TAFA1: variants seen among roughly 807,000 people sequenced by gnomAD.
TAFA1 encodes the protein TAFA chemokine like family member 1.
A neutral mutation model predicts 18.5 loss-of-function variants in TAFA1; 4 were observed. The observed-to-expected ratio is 0.22, with a 90% CI of 0.11 to 0.49. The LOEUF is 0.49. Ranked by LOEUF, TAFA1 falls within the 20% of genes least tolerant of loss-of-function variation. TAFA1 has a pLI of 0.98. For missense variants in TAFA1, 147 were observed against 169.0 expected (o/e 0.87, Z 0.72); for synonymous variants, 56 against 55.2 (o/e 1.01, Z -0.06).
rs1161977472 is a variant in TAFA1 at position 68,476,581 on chromosome 3, C to T, written c.259+59161C>T. Among the ~76,000 whole-genome samples, 3 of 152,256 alleles carry T rather than the reference C, an allele frequency of 2.0e-5. No homozygotes were observed. In the East Asian group the frequency reaches 5.8e-4, roughly 29 times the overall value. ...ATGATTAAAGAAGCCTAATAATTGT[C>T]ATTTTTCAAGTTGACTTAAGGTGGC... is the stretch of plus-strand genomic sequence containing the variant. On this transcript the variant is annotated intron_variant, in intron 3 of 4. Coordinates refer to ENST00000478136, the MANE Select transcript of TAFA1 (RefSeq NM_213609.4).
intron 2 of TAFA1, among the ~76,000 whole-genome samples, chr3:68,083,927 A>G (rs1216813509): frequency 6.6e-6 from 1 of 151,954 alleles, no homozygotes; most frequent in African/African-American, 2.4e-5. Context: ...TTTTCTTTGC[A>G]TGCATTCAAA....
intron 3 of TAFA1, among the ~76,000 whole-genome samples, chr3:68,423,577 CT>C (rs1189986235): frequency 1.3e-5 from 2 of 151,954 alleles, no homozygotes; most frequent in African/African-American, 4.8e-5. Context: ...ATACCTGCCC[CT>C]TTTTTTTCTA....
chr3:68,239,807 G>T (rs2066973946), intron 2 of TAFA1, among the ~76,000 whole-genome samples: 1 of 152,132 alleles, frequency 6.6e-6, no homozygotes, highest in Admixed American at 6.6e-5. Context: ...AGAACCATTT[G>T]CAGCCCCCAT....
chr3:68,242,219 T>A (rs1017841253), intron 2 of TAFA1, among the ~76,000 whole-genome samples: 8 of 152,138 alleles, frequency 5.3e-5, no homozygotes, highest in African/African-American at 1.7e-4. Flanking sequence ...TGTGGCATTA[T>A]CCTAAGTCCA....
intron 2 of TAFA1, among the ~76,000 whole-genome samples, chr3:68,269,667 A>C (rs1006102185): frequency 7.2e-5 from 11 of 152,070 alleles, no homozygotes; most frequent in Non-Finnish European, 5.9e-5. Context: ...CATGCCTATA[A>C]TCCCAGAACT....
At chr3:67,995,916 T>C in the TAFA1 span, among the ~76,000 whole-genome samples, 1 of 152,204 alleles carries the variant, frequency 6.6e-6, no homozygotes, top group Non-Finnish European at 1.5e-5. Context: ...AAAACATGAA[T>C]AAATGAGAAG....
chr3:68,534,110 C>T (rs919491620), intron 3 of TAFA1, among the ~76,000 whole-genome samples: 25 of 152,164 alleles, frequency 1.6e-4, no homozygotes, highest in Admixed American at 3.9e-4. Context: ...CTAGTGGAGA[C>T]GATTTGCATC....
At chr3:68,039,965 C>T (rs1705130429) in intron 2 of TAFA1, among the ~76,000 whole-genome samples, 2 of 152,110 alleles carry the variant, frequency 1.3e-5, no homozygotes, top group Admixed American at 1.3e-4. Context: ...CTGATCTGCC[C>T]TGTGGGTGGG....
intron 2 of TAFA1, among the ~76,000 whole-genome samples, chr3:68,112,633 T>C (rs2065275215): frequency 6.6e-6 from 1 of 152,076 alleles, no homozygotes; most frequent in Non-Finnish European, 1.5e-5. Context: ...CCCTAGATAG[T>C]TCAGTAATGC....
chr3:68,220,230 C>G (rs75215604), intron 2 of TAFA1, among the ~76,000 whole-genome samples: 1,731 of 152,176 alleles, frequency 0.011, 34 homozygotes, highest in African/African-American at 0.038. Context: ...TCCTCAAATA[C>G]TTTTTAATTT....
intron 2 of TAFA1, among the ~76,000 whole-genome samples, chr3:68,382,051 C>G (rs1231733352): frequency 2.0e-5 from 3 of 152,060 alleles, no homozygotes; most frequent in Non-Finnish European, 2.9e-5. Flanking sequence ...TGGTTTTTGT[C>G]TTTGGTTCTG....
At chr3:68,110,714 G>C (rs1051683886) in intron 2 of TAFA1, among the ~76,000 whole-genome samples, 10 of 152,130 alleles carry the variant, frequency 6.6e-5, no homozygotes, top group African/African-American at 2.4e-4. Context: ...ACTTGGTGAT[G>C]AATTGCATGT....
intron 2 of TAFA1, among the ~76,000 whole-genome samples, chr3:68,161,166 A>G (rs1479638991): frequency 1.3e-5 from 2 of 152,330 alleles, no homozygotes; most frequent in East Asian, 3.9e-4. Flanking sequence ...CTCTATCCCA[A>G]GGACATAAAT....
intron 2 of TAFA1, among the ~76,000 whole-genome samples, chr3:68,143,617 T>A (rs2065697695): frequency 6.6e-6 from 1 of 152,120 alleles, no homozygotes; most frequent in African/African-American, 2.4e-5. Context: ...ACATCCCCAG[T>A]TATGACAACC....
At chr3:68,014,400 G>C (rs138606835) in intron 2 of TAFA1, among the ~76,000 whole-genome samples, 1 of 152,162 alleles carries the variant, frequency 6.6e-6, no homozygotes, top group African/African-American at 2.4e-5. Flanking sequence ...TTCAAAAAGT[G>C]GTAGAAAAAC....
At chr3:68,257,039 A>C (rs2067312562) in intron 2 of TAFA1, among the ~76,000 whole-genome samples, 1 of 152,016 alleles carries the variant, frequency 6.6e-6, no homozygotes, top group South Asian at 2.1e-4. Flanking sequence ...TTCCAGCTTC[A>C]TCTCATGTCT....
intron 2 of TAFA1, among the ~76,000 whole-genome samples, chr3:68,280,457 T>A (rs1180526126): frequency 6.9e-6 from 1 of 145,894 alleles, no homozygotes; most frequent in Non-Finnish European, 1.5e-5. Context: ...TGCAGTCTGG[T>A]AAGTGAATTA....
chr3:67,997,447 C>G, the TAFA1 span, among the ~76,000 whole-genome samples: 1 of 151,996 alleles, frequency 6.6e-6, no homozygotes, highest in Non-Finnish European at 1.5e-5. Flanking sequence ...TAGATTGCCT[C>G]TCTGACTACA....
At chr3:68,079,238 T>A (rs2106769474) in intron 2 of TAFA1, among the ~76,000 whole-genome samples, 1 of 152,322 alleles carries the variant, frequency 6.6e-6, no homozygotes, top group Non-Finnish European at 1.5e-5. Flanking sequence ...AGTCTATCAA[T>A]TTAGTTGATC....
Sources: allele counts gnomAD v4.1 joint callset (sites outside exome capture counted in the v4.1 genomes callset), GRCh38; gene constraint gnomAD v4.1.1; transcripts MANE v1.5; gene names NCBI Gene and HGNC (gene_info 2026-07-23, HGNC 2026-07-21).